The following ESR1 variants were observed in gnomAD, a reference collection of about 807,000 sequenced individuals.
The protein encoded by ESR1 is estrogen receptor.
Under a neutral mutation model 52.7 loss-of-function variants are expected in ESR1, and 12 were observed. The observed-to-expected ratio is 0.23, with a 90% CI of 0.15 to 0.37. The LOEUF is 0.37. ESR1 is among the 10% of genes least tolerant of loss of function. ESR1 has a pLI of 1.00. For missense variants in ESR1, 584 were observed against 779.7 expected, an observed-to-expected ratio of 0.75 and a Z score of 2.99; for synonymous variants, 305 against 316.8, an observed-to-expected ratio of 0.96 and a Z score of 0.39.
chr6:151,890,740 CTTCT>C (rs1225085984), intron 3 of ESR1, among the ~76,000 whole-genome samples: 2 of 151,966 alleles, frequency 1.3e-5, no homozygotes, highest in African/African-American at 4.8e-5. Flanking sequence ...ATTTAATGGC[CTTCT>C]TTGTCTTATT....
intron 2 of ESR1, among the ~76,000 whole-genome samples, chr6:151,772,036 C>T (rs1048116003): frequency 1.3e-5 from 2 of 152,326 alleles, no homozygotes; most frequent in East Asian, 3.9e-4. Context: ...TCAACCTTCC[C>T]ACCTCCTGCC....
intron 1 of ESR1, among the ~76,000 whole-genome samples, chr6:151,668,285 T>C (rs1777900621): frequency 7.4e-6 from 1 of 134,472 alleles, no homozygotes; most frequent in Admixed American, 7.8e-5. Context: ...CCCTTTTTTT[T>C]TCTTTTTTTT....
intron 6 of ESR1, among the ~76,000 whole-genome samples, chr6:152,084,431 A>AG (rs891990051): frequency 1.3e-5 from 2 of 151,630 alleles, no homozygotes; most frequent in African/African-American, 4.9e-5. Context: ...TAAAAAAAAA[A>AG]GAAAGAAAAG....
intron 1 of ESR1, among the ~76,000 whole-genome samples, chr6:151,823,919 C>CCA (rs1218098078): frequency 2.0e-5 from 3 of 152,140 alleles, no homozygotes; most frequent in Non-Finnish European, 4.4e-5. Context: ...GTGTATAGTG[C>CCA]CACAATAAAC....
rs2128528441 is a variant in ESR1 at position 151,944,384 on chromosome 6, C to G, written c.972C>G (p.Pro324=). Residue 324 remains proline (P), a synonymous_variant, in exon 4 of 8, where the codon CCC becomes CCG. Coordinates refer to ENST00000206249, the MANE Select transcript of ESR1 (RefSeq NM_000125.4). The part of the protein sequence containing the change: ...QMVSALLDAE[P]PILYSEYDPT... ...TCAGTGCCTTGTTGGATGCTGAGCC[C>G]CCGATACTCTATTCCGAGTATGATC... 6.2e-7 allele frequency: 1 copy of G among 1,613,908 alleles called. No individual in the cohort carries two copies. The highest frequency in any genetic ancestry group is 8.5e-7 in the Non-Finnish European group (1 of 1,179,878).
intron 4 of ESR1, among the ~76,000 whole-genome samples, chr6:151,980,250 C>T (rs1236543580): frequency 6.6e-6 from 1 of 152,144 alleles, no homozygotes; most frequent in Non-Finnish European, 1.5e-5. Flanking sequence ...CTAAAGTCCT[C>T]CCTGTTTGCA....
chr6:151,805,783 A>G (rs1466942716), upstream of ESR1: 1 of 152,316 alleles, frequency 6.6e-6, no homozygotes, highest in Non-Finnish European at 1.5e-5. Context: ...CTACAAGCCC[A>G]TGGAACATTT....
chr6:151,926,330 T>A (rs2032731919), intron 3 of ESR1, among the ~76,000 whole-genome samples: 1 of 152,180 alleles, frequency 6.6e-6, no homozygotes, highest in South Asian at 2.1e-4. Context: ...TTCTAGGTCT[T>A]TTGCCCTTCT....
chr6:151,690,775 C>T (rs1778878157), intron 1 of ESR1: 1 of 152,144 alleles, frequency 6.6e-6, no homozygotes, highest in Admixed American at 6.5e-5. Flanking sequence ...AAAAAATGTT[C>T]ATTTTTTTGT....
chr6:151,761,083 G>A (rs937975589), intron 2 of ESR1, among the ~76,000 whole-genome samples: 2 of 151,622 alleles, frequency 1.3e-5, no homozygotes, highest in African/African-American at 2.4e-5. Context: ...GTGGCTGGGC[G>A]AAGGGTATGC....
intron 3 of ESR1, among the ~76,000 whole-genome samples, chr6:151,930,574 C>T (rs2033443663): frequency 6.6e-6 from 1 of 152,102 alleles, no homozygotes; most frequent in Non-Finnish European, 1.5e-5. Context: ...AATTTAGAAT[C>T]CTGTGTAAAA....
chr6:151,996,074 T>A (rs528395955), intron 4 of ESR1, among the ~76,000 whole-genome samples: 1 of 152,268 alleles, frequency 6.6e-6, no homozygotes, highest in South Asian at 2.1e-4. Context: ...GCACTGCCAT[T>A]TCATTTGAGC....
Position 152,011,524 on chromosome 6 carries a change from AG to A in ESR1, c.1097-131del, listed in dbSNP as rs9340972. 8,023 of 996,982 alleles carry A rather than the reference AG, an allele frequency of 8.0e-3. 268 individuals are homozygous for A. The African/African-American group carries it at 0.085, about 11-fold the overall frequency. The allele number at this position is 996,982 out of a possible 1,614,324, so 61.8% of individuals were successfully genotyped here. On this transcript the variant is annotated intron_variant, in intron 4 of 7. Coordinates refer to ENST00000206249, the MANE Select transcript of ESR1 (RefSeq NM_000125.4). ...AAATAATTACTTGACTTCACTATAA[AG>A]TATGTTCGTATTGCATTTACTCCAT...
chr6:152,024,689 T>C (rs1199226583), intron 5 of ESR1, among the ~76,000 whole-genome samples: 1 of 147,704 alleles, frequency 6.8e-6, no homozygotes, highest in Non-Finnish European at 1.5e-5. Flanking sequence ...ATATTATATA[T>C]AGTTATAATA....
chr6:151,986,283 A>G (rs1314058638), intron 4 of ESR1, among the ~76,000 whole-genome samples: 1 of 152,208 alleles, frequency 6.6e-6, no homozygotes, highest in African/African-American at 2.4e-5. Flanking sequence ...GTAAAAAATC[A>G]AAATTAGTGC....
At chr6:151,951,980 C>T (rs1172546429) in intron 4 of ESR1, among the ~76,000 whole-genome samples, 2 of 152,156 alleles carry the variant, frequency 1.3e-5, no homozygotes, top group African/African-American at 4.8e-5. Context: ...TGCTTCTTCC[C>T]TGTTCCACTG....
chr6:151,854,923 A>G (rs9340821), intron 2 of ESR1, among the ~76,000 whole-genome samples: 13,281 of 152,180 alleles, frequency 0.087, 780 homozygotes, highest in East Asian at 0.16. Flanking sequence ...ATATTTATTT[A>G]TTTATTTAGA....
chr6:151,665,456 TCAG>T (rs1777786920), intron 1 of ESR1, among the ~76,000 whole-genome samples: 1 of 152,166 alleles, frequency 6.6e-6, no homozygotes. Flanking sequence ...ATCTCTGAAC[TCAG>T]AAGCCCAGAA....
At chr6:152,107,291 C>T (rs368200699), downstream of ESR1, among the ~76,000 whole-genome samples, 2 of 152,036 alleles carry the variant, frequency 1.3e-5, no homozygotes, top group East Asian at 3.9e-4. Context: ...TTTTCTTTTG[C>T]CTTTTTTCCT....
Sources: allele counts gnomAD v4.1 joint callset (sites outside exome capture counted in the v4.1 genomes callset), GRCh38; gene constraint gnomAD v4.1.1; transcripts MANE v1.5; gene names NCBI Gene and HGNC (gene_info 2026-07-23, HGNC 2026-07-21).